Variants in UMODL1 observed in about 807,000 individuals in gnomAD.
UMODL1 encodes the protein uromodulin like 1, also known as uromodulin-like 1.
A neutral mutation model predicts 136.3 loss-of-function variants in UMODL1; 128 were observed. The observed-to-expected ratio is 0.94, with a 90% confidence interval of 0.81 to 1.09. The LOEUF is 1.09. Among genes scored for constraint, UMODL1 ranks in the 50% least tolerant of loss-of-function variants. UMODL1 has a pLI of 0.00. For missense variants in UMODL1, 1,766 were observed against 1,725.6 expected (o/e 1.02, Z -0.41); for synonymous variants, 721 against 720.0 (o/e 1.00, Z -0.02).
chr21:42,129,918 C>A, intron 21 of UMODL1, 121 bp downstream of exon 21: 1 of 703,804 alleles, frequency 1.4e-6, no homozygotes, highest in Non-Finnish European at 2.2e-6. Context: ...TTCTAAGAGG[C>A]TTATCATAAC....
At chr21:42,106,741 G>C (rs1285673965) in intron 9 of UMODL1, among the ~76,000 whole-genome samples, 4 of 152,234 alleles carry the variant, frequency 2.6e-5, no homozygotes, top group Admixed American at 6.5e-5. Context: ...CCCATAGGAA[G>C]AGGTTAGAGT....
chr21:42,111,378 G>C, intron 11 of UMODL1, 128 bp from the exon 12 acceptor site: 1 of 1,611,776 alleles, frequency 6.2e-7, no homozygotes, highest in Non-Finnish European at 8.5e-7. Context: ...GGGAGCACCA[G>C]CCAGGCGAGC....
intron 6 of UMODL1, among the ~76,000 whole-genome samples, chr21:42,091,260 G>A (rs1170081694): frequency 6.6e-6 from 1 of 152,214 alleles, no homozygotes; most frequent in African/African-American, 2.4e-5. Flanking sequence ...GCGCATGAAA[G>A]GGCAGGACTG....
chr21:42,105,717 G>A (rs569741000), intron 9 of UMODL1, among the ~76,000 whole-genome samples: 2 of 152,334 alleles, frequency 1.3e-5, no homozygotes, highest in Admixed American at 6.5e-5. Context: ...GACACTGGAA[G>A]AGGCCTGGGA....
In UMODL1 at chr21:42,129,808, G is replaced by A. The variant is rs771663546; in HGVS notation, c.3775+11G>A. 6.4e-7 allele frequency: 1 copy of A among 1,555,402 alleles called. No individual in the cohort carries two copies. The highest frequency in any genetic ancestry group is 8.6e-7 in the Non-Finnish European group (1 of 1,156,888). ...TCATCCGGTCTGAAGGTGAGTTGAT[G>A]ACTTGGTTTAGACAATGAAAGAAAA... On this transcript the variant is annotated intron_variant, in intron 21 of 22. Transcript: ENST00000408910.
At position 42,113,848 on chromosome 21, in the gene UMODL1, G is replaced by A. The variant is rs574666949; in HGVS notation, c.2362+18G>A. ...GAGGACAGGTAATGGGCTTCCATTTGTTTTTAAAGAGAGGAACAAAAAGTA... is the reference window on the plus strand; with the variant it reads ...GAGGACAGGTAATGGGCTTCCATTTATTTTTAAAGAGAGGAACAAAAAGTA... On this transcript the variant is annotated intron_variant, in intron 13 of 22. Coordinates refer to ENST00000408910, the MANE Select transcript of UMODL1 (RefSeq NM_001004416.3). 11 of 1,599,776 alleles carry A rather than the reference G, an allele frequency of 6.9e-6. No homozygotes were observed. In the South Asian group the frequency reaches 1.1e-4, roughly 16 times the overall value.
At position 42,126,385 on chromosome 21, in the gene UMODL1, A is replaced by AC; in HGVS notation, c.3190dup (p.Leu1064ProfsTer23). ...GTGGTGAGGACCACGCTGAGGAACG[A>AC]CCTGTCCCAGGAGGGCATCATCCAC... On this transcript the variant is annotated frameshift_variant, in exon 18 of 23. Transcript: ENST00000408910. LOFTEE classifies it high-confidence loss of function. 6.2e-7 allele frequency: 1 copy of AC among 1,614,156 alleles called. No homozygotes were observed. The highest frequency in any genetic ancestry group is 1.3e-5 in the African/African-American group (1 of 75,042).
Position 42,076,262 on chromosome 21 carries a change from G to C in UMODL1, c.319+15G>C. On this transcript the variant is annotated intron_variant, in intron 2 of 22. Coordinates refer to ENST00000408910, the MANE Select transcript of UMODL1 (RefSeq NM_001004416.3). ...CTGTGTCTTGCGTGAGTCCAGGGCT[G>C]CTGGGCTGGGGCGGGGCCACCCTTG... 1 of 1,612,842 alleles carries C rather than the reference G, an allele frequency of 6.2e-7. No homozygotes were observed. Among genetic ancestry groups the C allele is most frequent in the East Asian group, 2.2e-5 (1 of 44,834 alleles).
intron 2 of UMODL1, among the ~76,000 whole-genome samples, chr21:42,080,744 C>T (rs765988882): frequency 2.2e-4 from 33 of 152,238 alleles, no homozygotes; most frequent in Non-Finnish European, 3.2e-4. Flanking sequence ...TGTTCTTTAT[C>T]CAGGGCAGAC....
At chr21:42,108,722 C>T (rs1039938105) in intron 9 of UMODL1, among the ~76,000 whole-genome samples, 1 of 152,196 alleles carries the variant, frequency 6.6e-6, no homozygotes, top group Non-Finnish European at 1.5e-5. Flanking sequence ...CTACATTGTC[C>T]TTGTCCTCAC....
chr21:42,113,922 A>G, intron 13 of UMODL1, 92 bp downstream of exon 13: 1 of 1,490,080 alleles, frequency 6.7e-7, no homozygotes, highest in South Asian at 1.3e-5. Flanking sequence ...GGATTTGTTT[A>G]TGGGCTGCTA....
At chr21:42,134,767 A>G (rs1327987554) in intron 21 of UMODL1, among the ~76,000 whole-genome samples, 1 of 144,652 alleles carries the variant, frequency 6.9e-6, no homozygotes, top group Non-Finnish European at 1.5e-5. Flanking sequence ...GGCGCGCACT[A>G]CCAAGTCTGG....
chr21:42,080,985 A>AT (rs2066354920), intron 2 of UMODL1, among the ~76,000 whole-genome samples: 1 of 152,274 alleles, frequency 6.6e-6, no homozygotes, highest in Non-Finnish European at 1.5e-5. Context: ...GATGAACATC[A>AT]TACCGTACAA....
intron 8 of UMODL1, chr21:42,103,229 A>G (rs1447157724): frequency 9.9e-6 from 2 of 202,454 alleles, no homozygotes; most frequent in Non-Finnish European, 2.0e-5. Flanking sequence ...AGATGTGTAG[A>G]AATGCCAGAG....
At chr21:42,104,203 T>C in intron 9 of UMODL1, 116 bp downstream of exon 9, 2 of 1,130,982 alleles carry the variant, frequency 1.8e-6, no homozygotes, top group Non-Finnish European at 2.4e-6. Context: ...TGCAAATCCT[T>C]ATTCTATCTT....
chr21:42,139,382 C>T lies in UMODL1; in HGVS notation c.*21+1741C>T, dbSNP rs140299040. Among the ~76,000 whole-genome samples, 433 of 152,224 alleles carry T rather than the reference C, an allele frequency of 2.8e-3. 1 individual carries two copies. The highest frequency in any genetic ancestry group is 9.7e-3 in the African/African-American group (404 of 41,518). ...GGGGCAGGTGCTACAGATGTTTAATCAACCAGATCTTATGAGAGCTCTATC... is the reference window on the plus strand; with the variant it reads ...GGGGCAGGTGCTACAGATGTTTAATTAACCAGATCTTATGAGAGCTCTATC... On this transcript the variant is annotated intron_variant, in intron 22 of 22. Transcript: ENST00000408910.
At chr21:42,135,047 A>G (rs1217157022) in intron 21 of UMODL1, among the ~76,000 whole-genome samples, 1 of 152,186 alleles carries the variant, frequency 6.6e-6, no homozygotes. Context: ...TAAGCCTCAC[A>G]TGCCTTCTTC....
In UMODL1 at chr21:42,098,927, T is replaced by C. The variant is rs376388582; in HGVS notation, c.933T>C (p.Asp311=). The C allele has an allele frequency of 1.2e-6, 2 of 1,613,996 alleles. No homozygotes were observed. Among genetic ancestry groups the C allele is most frequent in the African/African-American group, 1.3e-5 (1 of 74,932 alleles). ...SPRKLNLEWE[D]CPPVSDYVVL... ...TCTTCTCTGTCTGTGCTTTCGTAGA[T>C]TGTCCTCCAGTCAGTGACTACGTGG... The change falls in exon 7 of 23, where the codon GAT becomes GAC. Residue 311 remains aspartate, a splice_region_variant and synonymous_variant. Transcript: ENST00000408910.
chr21:42,129,738 A>G lies in UMODL1; in HGVS notation c.3716A>G (p.Gln1239Arg). Residue 1239 changes from glutamine (Q) to arginine (R), a missense_variant, in exon 21 of 23, where the codon CAA becomes CGA. Gln to Arg is a conservative substitution (Grantham distance 43). Transcript: ENST00000408910. ...AATTGCAATAACTTTCGGTTGCTGC[A>G]AAATAGTGAAACCTCTGCCACACAC... ...KINCNNFRLL[Q>R]NSETSATHQM... The G allele has an allele frequency of 6.3e-7, 1 of 1,587,166 alleles. No individual in the cohort carries two copies. Among genetic ancestry groups the G allele is most frequent in the Non-Finnish European group, 8.5e-7 (1 of 1,170,702 alleles).
Sources: allele counts gnomAD v4.1 joint callset (sites outside exome capture counted in the v4.1 genomes callset), GRCh38; gene constraint gnomAD v4.1.1; transcripts MANE v1.5; gene names NCBI Gene and HGNC (gene_info 2026-07-23, HGNC 2026-07-21).